Variants in NYAP1 observed in about 807,000 individuals in gnomAD.
NYAP1 encodes neuronal tyrosine phosphorylated phosphoinositide-3-kinase adaptor 1.
A neutral mutation model predicts 58.6 loss-of-function variants in NYAP1; 20 were observed. That is an observed-to-expected ratio of 0.34 (90% CI 0.24 to 0.50). The LOEUF is 0.50. NYAP1 is among the 20% of genes least tolerant of loss of function. The pLI is 0.98. For missense variants in NYAP1, 1,150 were observed against 1,194.5 expected (o/e 0.96, Z 0.55); for synonymous variants, 572 against 523.1 (o/e 1.09, Z -1.27).
In NYAP1 at chr7:100,489,539, C is replaced by G. The variant is rs941889470; in HGVS notation, c.1818C>G (p.Ala606=). 1.2e-6 allele frequency: 2 copies of G among 1,613,456 alleles called. No individual in the cohort carries two copies. Among genetic ancestry groups the G allele is most frequent in the Admixed American group, 1.7e-5 (1 of 60,012 alleles). The change falls in exon 4 of 7, where the codon GCC becomes GCG. Residue 606 remains alanine (A), a synonymous_variant. Coordinates refer to ENST00000300179, the MANE Select transcript of NYAP1 (RefSeq NM_173564.4). The part of the protein sequence containing the change: ...DGGAFASISC[A]HVIASAGTPE... ...GTGCTTTTGCCAGCATCTCCTGTGCCCACGTCATCGCCAGCGCAGGGACAC... is the reference window on the plus strand; with the variant it reads ...GTGCTTTTGCCAGCATCTCCTGTGCGCACGTCATCGCCAGCGCAGGGACAC...
At position 100,485,652 on chromosome 7, in the gene NYAP1, TCTC is replaced by T. The variant is rs1799693223; in HGVS notation, c.68+276_68+278del. Among the ~76,000 whole-genome samples, 1 of 152,082 alleles carries T rather than the reference TCTC, an allele frequency of 6.6e-6. No homozygotes were observed. Among genetic ancestry groups the T allele is most frequent in the African/African-American group, 2.4e-5 (1 of 41,394 alleles). On this transcript the variant is annotated intron_variant, in intron 2 of 6. Coordinates refer to ENST00000300179, the MANE Select transcript of NYAP1 (RefSeq NM_173564.4). The surrounding 1 kb of genome is among the most constrained non-coding windows in gnomAD (Gnocchi z 5.7). ...TGACTCACCTCTGGCCTGTAGCCCT[TCTC>T]CTTTCTGCAAATTTGGGGCTGGCTG... is the stretch of plus-strand genomic sequence containing the variant.
rs757325830 is a variant in NYAP1, at chr7:100,489,258, C to T, written c.1537C>T (p.Pro513Ser). 6.2e-7 allele frequency: 1 copy of T among 1,603,008 alleles called. No homozygotes were observed. The highest frequency in any genetic ancestry group is 8.5e-7 in the Non-Finnish European group (1 of 1,175,502). ...SRPPVPGKTS[P>S]HGGAMGAAAG... ...GCCCCCTGTGCCAGGGAAGACCAGC[C>T]CCCACGGTGGGGCCATGGGCGCAGC... The change falls in exon 4 of 7, where the codon CCC becomes TCC. Residue 513 changes from proline to serine, a missense_variant. Transcript: ENST00000300179.
chr7:100,492,576 G>T (rs1488955771), intron 6 of NYAP1, among the ~76,000 whole-genome samples: 2 of 152,166 alleles, frequency 1.3e-5, no homozygotes, highest in East Asian at 3.8e-4. Flanking sequence ...TATCCTGGGT[G>T]TAAGGGCAAG....
At position 100,490,676 on chromosome 7, in the gene NYAP1, G is replaced by C; in HGVS notation, c.2105G>C (p.Arg702Pro). 1.3e-6 allele frequency: 2 copies of C among 1,552,004 alleles called. No individual in the cohort carries two copies. The highest frequency in any genetic ancestry group is 1.7e-6 in the Non-Finnish European group (2 of 1,147,848). The change falls in exon 5 of 7, where the codon CGC becomes CCC. Residue 702 changes from arginine to proline, a missense_variant. Physicochemically the swap from Arg to Pro is moderately radical, Grantham distance 103 (BLOSUM62 -2). Transcript: ENST00000300179. The surrounding 1 kb of genome is among the most constrained non-coding windows in gnomAD (Gnocchi z 4.6). Reference sequence around the variant, plus strand: ...CACCATGGAGACCGAGGAGGGAGCCGCACCGCGCTGCCCATTCCCTGCCAG... The same window carrying C: ...CACCATGGAGACCGAGGAGGGAGCCCCACCGCGCTGCCCATTCCCTGCCAG... ...RIHHGDRGGS[R>P]TALPIPCQTF...
rs1799749874 is a variant in NYAP1, at chr7:100,489,043, C to G, written c.1322C>G (p.Ala441Gly). The G allele has an allele frequency of 1.3e-6, 2 of 1,534,220 alleles. No homozygotes were observed. The highest frequency in any genetic ancestry group is 2.4e-5 in the South Asian group (2 of 84,058). The change falls in exon 4 of 7, where the codon GCC becomes GGC. Residue 441 changes from alanine (A) to glycine (G), a missense_variant. Coordinates refer to ENST00000300179, the MANE Select transcript of NYAP1 (RefSeq NM_173564.4). ...ICPKAAGAPA[A>G]PPAPAALLPG... ...CCTAAGGCGGCGGGGGCGCCGGCAG[C>G]CCCCCCTGCCCCGGCCGCCTTGCTC... is the stretch of plus-strand genomic sequence containing the variant.
chr7:100,492,909 AAGAG>A (rs547505845), intron 6 of NYAP1, among the ~76,000 whole-genome samples: 18 of 152,084 alleles, frequency 1.2e-4, no homozygotes, highest in African/African-American at 2.4e-4. Context: ...AAGAAAGAAA[AAGAG>A]AGAGAGTGAG....
Position 100,493,778 on chromosome 7 carries a change from C to T in NYAP1, c.2401C>T (p.Arg801Ter), listed in dbSNP as rs1285751649. The change falls in exon 7 of 7, where the codon CGA (arginine) becomes TGA (stop). Residue 801 changes from arginine to a stop codon, truncating the protein, a stop_gained. Coordinates refer to ENST00000300179, the MANE Select transcript of NYAP1 (RefSeq NM_173564.4). LOFTEE classifies it high-confidence loss of function. Reference protein sequence around the residue: ...KEIKARHRPDRGLCKQESMPI... With the variant: ...KEIKARHRPD ...GATCAAGGCGCGCCACCGCCCGGAC[C>T]GAGGCCTCTGCAAGCAGGAGAGCAT... 1.2e-6 allele frequency: 2 copies of T among 1,605,562 alleles called. No individual in the cohort carries two copies. The highest frequency in any genetic ancestry group is 8.5e-7 in the Non-Finnish European group (1 of 1,178,304).
In NYAP1 at chr7:100,485,324, T is replaced by C. The variant is rs1799689538; in HGVS notation, c.13T>C (p.Tyr5His). 1 of 1,596,730 alleles carries C rather than the reference T, an allele frequency of 6.3e-7. No homozygotes were observed. The highest frequency in any genetic ancestry group is 8.5e-7 in the Non-Finnish European group (1 of 1,170,752). MNLL[Y>H]RKTKLEWRQH... Reference sequence around the variant, plus strand: ...CCTGCCCCACGAGATGAACCTCCTCTACCGAAAAACCAAGCTGGAGTGGAG... The same window carrying C: ...CCTGCCCCACGAGATGAACCTCCTCCACCGAAAAACCAAGCTGGAGTGGAG... Residue 5 changes from tyrosine (Y) to histidine (H), a missense_variant, in exon 2 of 7, where the codon TAC (tyrosine) becomes CAC (histidine). Tyr to His is a moderately conservative substitution (Grantham distance 83, BLOSUM62 2). Transcript: ENST00000300179. The surrounding 1 kb of genome is among the most constrained non-coding windows in gnomAD (Gnocchi z 5.7).
chr7:100,490,559 G>A lies in NYAP1; in HGVS notation c.1988G>A (p.Gly663Asp), dbSNP rs755003392. The change falls in exon 5 of 7, where the codon GGT becomes GAT. Residue 663 changes from glycine to aspartate, a missense_variant. By Grantham distance (94) the Gly-to-Asp change is moderately conservative (BLOSUM62 -1). Coordinates refer to ENST00000300179, the MANE Select transcript of NYAP1 (RefSeq NM_173564.4). The surrounding 1 kb of genome is among the most constrained non-coding windows in gnomAD (Gnocchi z 4.6). ...GARAWNGSAEGPGKVEREDRG... is the reference protein window; with the variant it reads ...GARAWNGSAEDPGKVEREDRG... ...CGGGCCTGGAATGGCAGTGCCGAGG[G>A]TCCAGGCAAGGTGGAGCGTGAGGAC... 5.0e-6 allele frequency: 8 copies of A among 1,588,378 alleles called. No individual in the cohort carries two copies. The South Asian group carries it at 9.2e-5, about 18-fold the overall frequency.
chr7:100,493,329 C>G (rs577239577), intron 6 of NYAP1, among the ~76,000 whole-genome samples: 5 of 152,178 alleles, frequency 3.3e-5, no homozygotes, highest in Non-Finnish European at 7.3e-5. Flanking sequence ...CCACTGCACT[C>G]TGGCCTGGGC....
chr7:100,488,957 C>T lies in NYAP1; in HGVS notation c.1236C>T (p.Pro412=). The change falls in exon 4 of 7, where the codon CCC becomes CCT. Residue 412 remains proline (P), a synonymous_variant. Coordinates refer to ENST00000300179, the MANE Select transcript of NYAP1 (RefSeq NM_173564.4). This position sits in a 1 kb window ranked among gnomAD's most constrained non-coding sequence, Gnocchi z 5.9. ...RARSHSTPLP[P]QGSGQPRGER... ...GGAGCCACTCGACACCGTTGCCACC[C>T]CAGGGCTCTGGCCAGCCCCGGGGGG... The T allele has an allele frequency of 1.9e-6, 3 of 1,574,114 alleles. No homozygotes were observed. The highest frequency in any genetic ancestry group is 2.6e-6 in the Non-Finnish European group (3 of 1,167,362).
Position 100,487,210 on chromosome 7 carries a change from G to A in NYAP1, c.430+28G>A, listed in dbSNP as rs557470811. ...GAGATACCCCCTATCTCTCCCTGGG[G>A]TGGAGCTGGGAGCTGGGAGGATCTA... On this transcript the variant is annotated intron_variant, in intron 3 of 6. Coordinates refer to ENST00000300179, the MANE Select transcript of NYAP1 (RefSeq NM_173564.4). This position sits in a 1 kb window ranked among gnomAD's most constrained non-coding sequence, Gnocchi z 4.1. 1.2e-4 allele frequency: 173 copies of A among 1,477,064 alleles called. No individual in the cohort carries two copies. Among genetic ancestry groups the A allele is most frequent in the Admixed American group, 7.9e-4 (32 of 40,354 alleles). 91.5% of individuals were successfully genotyped at this position (1,477,064 alleles called of 1,614,324 possible).
chr7:100,490,788 C>A lies in NYAP1; in HGVS notation c.2158+59C>A. 7.1e-7 allele frequency: 1 copy of A among 1,402,376 alleles called. No homozygotes were observed. Among genetic ancestry groups the A allele is most frequent in the South Asian group, 1.5e-5 (1 of 68,586 alleles). The allele number at this position is 1,402,376 out of a possible 1,614,324, so 86.9% of individuals were successfully genotyped here. ...GGCTGGCTGGGGGATCTCCCGGGGT[C>A]TAGCTGCACCTGTCCTGACTTCCTC... On this transcript the variant is annotated intron_variant, in intron 5 of 6. Transcript: ENST00000300179. The surrounding 1 kb of genome is among the most constrained non-coding windows in gnomAD (Gnocchi z 4.6).
chr7:100,489,691 G>A (rs1799767380), intron 4 of NYAP1, 25 bp downstream of exon 4: 2 of 1,302,108 alleles, frequency 1.5e-6, no homozygotes, highest in Non-Finnish European at 2.0e-6. Flanking sequence ...GGGAGTGGGG[G>A]CTGGCATCAG....
chr7:100,492,252 G>A (rs1799806947), intron 6 of NYAP1, among the ~76,000 whole-genome samples: 1 of 150,760 alleles, frequency 6.6e-6, no homozygotes, highest in Non-Finnish European at 1.5e-5. Flanking sequence ...AAAAAAAAAA[G>A]GGGCCAGGCA....
At position 100,487,211 on chromosome 7, in the gene NYAP1, T is replaced by TGGAGCTG. The variant is rs758738167; in HGVS notation, c.430+41_430+47dup. 3.8e-5 allele frequency: 56 copies of TGGAGCTG among 1,474,664 alleles called. No homozygotes were observed. Among genetic ancestry groups the TGGAGCTG allele is most frequent in the Non-Finnish European group, 4.6e-5 (51 of 1,113,394 alleles). The allele number at this position is 1,474,664 out of a possible 1,614,324, so 91.3% of individuals were successfully genotyped here. On this transcript the variant is annotated intron_variant, in intron 3 of 6. Coordinates refer to ENST00000300179, the MANE Select transcript of NYAP1 (RefSeq NM_173564.4). This position sits in a 1 kb window ranked among gnomAD's most constrained non-coding sequence, Gnocchi z 4.1. ...AGATACCCCCTATCTCTCCCTGGGG[T>TGGAGCTG]GGAGCTGGGAGCTGGGAGGATCTAT...
In NYAP1 at chr7:100,489,350, C is replaced by T. The variant is rs1361033341; in HGVS notation, c.1629C>T (p.Gly543=). ...ACAGCCTTCCGGACCCAACTGTAGG[C>T]CCCCTGACCCCGCTGTGGACCTACC... The part of the protein sequence containing the change: ...SPHSLPDPTV[G]PLTPLWTYPA... Residue 543 remains glycine, a synonymous_variant, in exon 4 of 7, where the codon GGC becomes GGT. Coordinates refer to ENST00000300179, the MANE Select transcript of NYAP1 (RefSeq NM_173564.4). The T allele has an allele frequency of 6.2e-7, 1 of 1,611,264 alleles. No homozygotes were observed. The highest frequency in any genetic ancestry group is 2.2e-5 in the East Asian group (1 of 44,836).
rs1313203126 is a variant in NYAP1 at position 100,486,913 on chromosome 7, G to C, written c.161G>C (p.Arg54Pro). 7 of 1,592,850 alleles carry C rather than the reference G, an allele frequency of 4.4e-6. No individual in the cohort carries two copies. The South Asian group carries it at 6.7e-5, about 15-fold the overall frequency. Residue 54 changes from arginine (R) to proline (P), a missense_variant, in exon 3 of 7, where the codon CGC (arginine) becomes CCC (proline). Transcript: ENST00000300179. This position sits in a 1 kb window ranked among gnomAD's most constrained non-coding sequence, Gnocchi z 6.2. ...GTGCGGGACATCGCCTCGCTGCGGCGCTCCCTCAGGATGGGTTTCATGACG... is the reference window on the plus strand; with the variant it reads ...GTGCGGGACATCGCCTCGCTGCGGCCCTCCCTCAGGATGGGTTTCATGACG... ...VRVRDIASLR[R>P]SLRMGFMTMP...
chr7:100,492,712 G>A (rs1023213310), intron 6 of NYAP1, among the ~76,000 whole-genome samples: 1 of 152,006 alleles, frequency 6.6e-6, no homozygotes, highest in Admixed American at 6.5e-5. Context: ...CAGCCTGGGC[G>A]ACATAGGGAG....
Sources: gnomAD v4.1 joint callset for allele counts (sites outside exome capture counted in the v4.1 genomes callset) on GRCh38, gnomAD v4.1.1 for gene constraint, Gnocchi (gnomAD v3.1) non-coding constraint, MANE v1.5 for transcripts, NCBI Gene and HGNC (gene_info 2026-07-23, HGNC 2026-07-21) for gene names.